KCTD1: variants seen among roughly 807,000 people sequenced by gnomAD.
KCTD1 encodes BTB/POZ domain-containing protein KCTD1.
KCTD1 carries 24 observed loss-of-function variants against 66.0 expected under a neutral mutation model. The ratio of observed to expected loss-of-function variants is 0.36; its 90% confidence interval spans 0.26 to 0.51. The LOEUF (loss-of-function observed/expected upper bound fraction) is 0.51. KCTD1 is among the 20% of genes least tolerant of loss of function. KCTD1 has a pLI of 0.95. For missense variants in KCTD1, 943 were observed against 1,205.2 expected (o/e 0.78, Z 3.22); for synonymous variants, 511 against 517.2 (o/e 0.99, Z 0.16).
intron 1 of KCTD1, among the ~76,000 whole-genome samples, chr18:26,564,517 T>C (rs1985935782): frequency 6.6e-6 from 1 of 152,322 alleles, no homozygotes; most frequent in Non-Finnish European, 1.5e-5. Context: ...CTCTGATCTT[T>C]GTCCTATGGT....
upstream of KCTD1, among the ~76,000 whole-genome samples, chr18:26,644,765 A>AG (rs1568019357): frequency 4.0e-5 from 6 of 151,798 alleles, no homozygotes; most frequent in East Asian, 1.9e-4. Flanking sequence ...TAAAAAAAAA[A>AG]AAGAGAGAGA....
chr18:26,593,891 G>GGAGGAGGAAGATGAGGAGGAC (rs1197706401), intron 1 of KCTD1, among the ~76,000 whole-genome samples: 3 of 150,878 alleles, frequency 2.0e-5, no homozygotes, highest in Admixed American at 6.6e-5. Flanking sequence ...ATAAGGAGGA[G>GGAGGAGGAAGATGAGGAGGAC]GAGGAGGAAG....
chr18:26,592,159 G>A (rs527597883), intron 1 of KCTD1, among the ~76,000 whole-genome samples: 2 of 152,226 alleles, frequency 1.3e-5, no homozygotes, highest in South Asian at 2.1e-4. Flanking sequence ...TAAGGTCTCA[G>A]TTCCCATCTC....
intron 2 of KCTD1, among the ~76,000 whole-genome samples, chr18:26,481,685 C>T (rs1981655693): frequency 6.6e-6 from 1 of 152,180 alleles, no homozygotes; most frequent in South Asian, 2.1e-4. Flanking sequence ...CTGGCTTATC[C>T]AAATCCTGTC....
At chr18:26,460,487 T>C (rs930057588) in intron 3 of KCTD1, among the ~76,000 whole-genome samples, 4 of 152,090 alleles carry the variant, frequency 2.6e-5, no homozygotes, top group African/African-American at 9.7e-5. Context: ...CAGGCAGGGA[T>C]GGGCACCTGG....
Position 26,548,340 on chromosome 18 carries a change from A to T in KCTD1, c.197T>A (p.Ile66Asn). 1.4e-6 allele frequency: 2 copies of T among 1,479,394 alleles called. No homozygotes were observed. Among genetic ancestry groups the T allele is most frequent in the South Asian group, 2.6e-5 (2 of 76,856 alleles). 91.6% of individuals were successfully genotyped at this position (1,479,394 alleles called of 1,614,324 possible). Residue 66 changes from isoleucine to asparagine, a missense_variant, in exon 1 of 5, where the codon ATC becomes AAC. Physicochemically the swap from Ile to Asn is moderately radical, Grantham distance 149. This residue lies in a region of KCTD1 where 236 missense variants were observed against 206.6 expected (regional missense o/e 1.14). Transcript: ENST00000580059. ...EEEEEEEEDEIQEVQITGDEE... is the reference protein window; with the variant it reads ...EEEEEEEEDENQEVQITGDEE... ...GTCCCCCGTTATCTGCACCTCCTGGATCTCGTCCTCCTCCTCCTCTTCCTC... is the reference window on the plus strand; with the variant it reads ...GTCCCCCGTTATCTGCACCTCCTGGTTCTCGTCCTCCTCCTCCTCTTCCTC...
chr18:26,652,643 G>A lies in KCTD1; in HGVS notation c.9+4717C>T, dbSNP rs11877659. Among the ~76,000 whole-genome samples, 678 of 152,256 alleles carry A rather than the reference G, an allele frequency of 4.5e-3. 6 individuals are homozygous for A. Among genetic ancestry groups the A allele is most frequent in the African/African-American group, 0.016 (644 of 41,528 alleles). ...GGAACCACATGGTACACTTCATAAAGGAAAAGCATTTTGGATAACAGGATA... is the reference window on the plus strand; with the variant it reads ...GGAACCACATGGTACACTTCATAAAAGAAAAGCATTTTGGATAACAGGATA... On this transcript the variant is annotated intron_variant, in intron 1 of 4. Coordinates refer to the KCTD1 transcript ENST00000580191.
Position 26,522,299 on chromosome 18 carries a change from A to T in KCTD1, c.1810-21049T>A, listed in dbSNP as rs538657363. Among the ~76,000 whole-genome samples the T allele has an allele frequency of 3.3e-5, 5 of 152,344 alleles. No homozygotes were observed. In the South Asian group the frequency reaches 1.0e-3, roughly 32 times the overall value. On this transcript the variant is annotated intron_variant, in intron 1 of 4. Coordinates refer to ENST00000580059, the MANE Select transcript of KCTD1 (RefSeq NM_001142730.3). ...GGATACAGACAAACGCACGGGGAAC[A>T]TGCCACGTGAGCTTCAAGGCAGAGA...
At chr18:26,493,146 T>C (rs989796126) in intron 2 of KCTD1, among the ~76,000 whole-genome samples, 1 of 152,122 alleles carries the variant, frequency 6.6e-6, no homozygotes, top group African/African-American at 2.4e-5. Flanking sequence ...TTGGGTTAAG[T>C]GAGAAGTTAC....
intron 1 of KCTD1, among the ~76,000 whole-genome samples, chr18:26,647,193 A>T (rs1332624894): frequency 2.6e-5 from 4 of 152,116 alleles, no homozygotes; most frequent in Non-Finnish European, 5.9e-5. Flanking sequence ...TCTTTGAAAT[A>T]TAATATTCTC....
chr18:26,598,858 T>C (rs1002681545), intron 1 of KCTD1, among the ~76,000 whole-genome samples: 1 of 152,212 alleles, frequency 6.6e-6, no homozygotes, highest in Non-Finnish European at 1.5e-5. Context: ...TTTTTATTGA[T>C]GAGTTGTGAG....
chr18:26,583,670 A>T (rs1262508569), intron 1 of KCTD1, among the ~76,000 whole-genome samples: 1 of 152,262 alleles, frequency 6.6e-6, no homozygotes, highest in Admixed American at 6.5e-5. Flanking sequence ...TGCTGCTATC[A>T]TCTAAATCTT....
Position 26,546,895 on chromosome 18 carries a change from C to T in KCTD1, c.1642G>A (p.Gly548Ser), listed in dbSNP as rs1333952999. The T allele has an allele frequency of 6.7e-6, 10 of 1,484,380 alleles. No homozygotes were observed. The highest frequency in any genetic ancestry group is 9.0e-6 in the Non-Finnish European group (10 of 1,116,134). 92.0% of individuals were successfully genotyped at this position (1,484,380 alleles called of 1,614,324 possible). The change falls in exon 1 of 5, where the codon GGC (glycine) becomes AGC (serine). Residue 548 changes from glycine to serine, a missense_variant. Gly to Ser is a moderately conservative substitution (Grantham distance 56). Coordinates refer to ENST00000580059, the MANE Select transcript of KCTD1 (RefSeq NM_001142730.3). ...CAAAGTCTTTTGGGGGAAGTGGGGC[C>T]GCAGATTTCCCCCGACCCGAACACA... is the stretch of plus-strand genomic sequence containing the variant. ...ESVFGSGEIC[G>S]PTSPKRLCIR...
rs549266750 is a variant in KCTD1, at chr18:26,513,501, C to T, written c.1810-12251G>A. Among the ~76,000 whole-genome samples the T allele has an allele frequency of 7.2e-5, 11 of 152,314 alleles. No homozygotes were observed. The East Asian group carries it at 1.7e-3, about 24-fold the overall frequency. ...CTTTTAAAGAGCAAACTATTTGTGG[C>T]ACTTCTAACAGTGTTGACATGGAGT... On this transcript the variant is annotated intron_variant, in intron 1 of 4. Transcript: ENST00000580059.
chr18:26,505,789 C>T (rs976215483), intron 1 of KCTD1, among the ~76,000 whole-genome samples: 3 of 152,108 alleles, frequency 2.0e-5, no homozygotes, highest in Non-Finnish European at 2.9e-5. Context: ...AAACTCCTGG[C>T]CTCAAATGAT....
At chr18:26,616,309 G>A (rs921109640) in intron 1 of KCTD1, among the ~76,000 whole-genome samples, 18 of 151,876 alleles carry the variant, frequency 1.2e-4, no homozygotes, top group African/African-American at 4.1e-4. Flanking sequence ...CCAACCACAG[G>A]TGGCCTTCCT....
At chr18:26,512,931 AAATCATGCC>A (rs1983412431) in intron 1 of KCTD1, among the ~76,000 whole-genome samples, 1 of 151,994 alleles carries the variant, frequency 6.6e-6, no homozygotes. Context: ...TAGTGGGCTG[AAATCATGCC>A]CCCGCACTCC....
At chr18:26,511,179 A>G (rs879804315) in intron 1 of KCTD1, among the ~76,000 whole-genome samples, 9 of 152,234 alleles carry the variant, frequency 5.9e-5, no homozygotes, top group Non-Finnish European at 1.2e-4. Flanking sequence ...CAGAATAAAG[A>G]AATACAAGAA....
rs143416996 is a variant in KCTD1 at position 26,522,946 on chromosome 18, T to C, written c.1810-21696A>G. On this transcript the variant is annotated intron_variant, in intron 1 of 4. Coordinates refer to ENST00000580059, the MANE Select transcript of KCTD1 (RefSeq NM_001142730.3). ...TTTAAACATCTCCCACAGTGCCTTG[T>C]ATACTGCTCCATGAATCTGGAAGTA... Among the ~76,000 whole-genome samples the C allele has an allele frequency of 1.3e-3, 199 of 152,334 alleles. 1 individual carries two copies. The highest frequency in any genetic ancestry group is 4.6e-3 in the African/African-American group (193 of 41,580).
Sources: allele counts gnomAD v4.1 joint callset (sites outside exome capture counted in the v4.1 genomes callset), GRCh38; gene constraint gnomAD v4.1.1; regional missense constraint gnomAD v4.1.1; transcripts MANE v1.5; gene names NCBI Gene and HGNC (gene_info 2026-07-23, HGNC 2026-07-21).